BCAS3: variants seen among roughly 807,000 people sequenced by gnomAD.
BCAS3 encodes the protein BCAS3 microtubule associated cell migration factor.
In BCAS3, 53 loss-of-function variants were observed where a neutral mutation model predicts 116.1. The ratio of observed to expected loss-of-function variants is 0.46; its 90% CI spans 0.37 to 0.57. The LOEUF (loss-of-function observed/expected upper bound fraction) is 0.57, where lower values mean the gene tolerates loss of function less well. Ranked by LOEUF, BCAS3 falls within the 20% of genes least tolerant of loss-of-function variation. The probability of loss-of-function intolerance (pLI) is 0.00; values close to 1 mark genes in which losing one functional copy is unlikely to be tolerated. For missense variants in BCAS3, 917 were observed against 1,165.4 expected (o/e 0.79, Z 3.10); for synonymous variants, 391 against 408.2 (o/e 0.96, Z 0.51).
intron 22 of BCAS3, among the ~76,000 whole-genome samples, chr17:61,271,885 C>G (rs1206818095): frequency 1.3e-5 from 2 of 152,134 alleles, no homozygotes; most frequent in African/African-American, 4.8e-5. Flanking sequence ...TCATACCTCA[C>G]TGCAGCCTCA....
chr17:61,190,602 T>G (rs2080049194), intron 22 of BCAS3, among the ~76,000 whole-genome samples: 1 of 151,724 alleles, frequency 6.6e-6, no homozygotes, highest in African/African-American at 2.4e-5. Flanking sequence ...AAATTTTATT[T>G]CATTTATTTA....
chr17:61,232,923 T>C (rs1478055947), intron 22 of BCAS3, among the ~76,000 whole-genome samples: 4 of 152,254 alleles, frequency 2.6e-5, no homozygotes, highest in African/African-American at 9.6e-5. Context: ...TGCAAAATTA[T>C]GTTGCCGGCA....
In BCAS3 at chr17:61,219,335, A is replaced by G. The variant is rs149289457; in HGVS notation, c.2425+134771A>G. Among the ~76,000 whole-genome samples, 436 of 152,204 alleles carry G rather than the reference A, an allele frequency of 2.9e-3. 2 individuals are homozygous for G. Among genetic ancestry groups the G allele is most frequent in the African/African-American group, 0.01 (418 of 41,528 alleles). ...TGATTCCTTTCTGGGCATATTTCCT[A>G]GGGAGTTTTGGGAGTCATGCAGTGA... On this transcript the variant is annotated intron_variant, in intron 22 of 23. Transcript: ENST00000407086. This position sits in a 1 kb window ranked among gnomAD's most constrained non-coding sequence, Gnocchi z 5.2.
intron 22 of BCAS3, among the ~76,000 whole-genome samples, chr17:61,334,464 A>G (rs947769117): frequency 6.6e-5 from 10 of 152,118 alleles, no homozygotes; most frequent in African/African-American, 2.4e-4. Context: ...TCAGGAGTTC[A>G]AGACCAGCCT....
chr17:60,995,300 C>T lies in BCAS3; in HGVS notation c.1486+5065C>T, dbSNP rs1423472830. On this transcript the variant is annotated intron_variant, in intron 15 of 23. Transcript: ENST00000407086. This position sits in a 1 kb window ranked among gnomAD's most constrained non-coding sequence, Gnocchi z 4.7. ...CCCAAGTAGCTGGGATTACAGGTGC[C>T]CGCCACCATGCCTGGCTAATTTTTG... Among the ~76,000 whole-genome samples, 2 of 151,818 alleles carry T rather than the reference C, an allele frequency of 1.3e-5. No homozygotes were observed. Among genetic ancestry groups the T allele is most frequent in the African/African-American group, 4.8e-5 (2 of 41,336 alleles).
intron 22 of BCAS3, among the ~76,000 whole-genome samples, chr17:61,358,103 T>A (rs979103551): frequency 6.7e-6 from 1 of 149,690 alleles, no homozygotes; most frequent in African/African-American, 2.5e-5. Flanking sequence ...AAAAAAAAAA[T>A]TGTGGGAAAC....
At chr17:60,700,610 C>T (rs1311542070) in intron 4 of BCAS3, among the ~76,000 whole-genome samples, 1 of 151,976 alleles carries the variant, frequency 6.6e-6, no homozygotes, top group Non-Finnish European at 1.5e-5. Context: ...TTGAGTAACT[C>T]CAATATTTAG....
rs1244021265 is a variant in BCAS3, at chr17:61,198,684, T to C, written c.2425+114120T>C. 6.6e-6 allele frequency among the ~76,000 whole-genome samples: 1 copy of C among 152,254 alleles called. No homozygotes were observed. Among genetic ancestry groups the C allele is most frequent in the Non-Finnish European group, 1.5e-5 (1 of 68,046 alleles). On this transcript the variant is annotated intron_variant, in intron 22 of 23. Coordinates refer to ENST00000407086, the MANE Select transcript of BCAS3 (RefSeq NM_017679.5). This position sits in a 1 kb window ranked among gnomAD's most constrained non-coding sequence, Gnocchi z 5.0. ...TGCATTTACTTTTAGTTAATCTGTT[T>C]GATTTGAATACACTGTTCAGTTAGT...
intron 14 of BCAS3, among the ~76,000 whole-genome samples, chr17:60,976,020 C>CTTTTTGTTTTTT (rs2062326324): frequency 1.0e-5 from 1 of 98,286 alleles, no homozygotes; most frequent in African/African-American, 4.2e-5. Context: ...TAGATTTTTG[C>CTTTTTGTTTTTT]TTTTTTTTTT....
intron 6 of BCAS3, among the ~76,000 whole-genome samples, chr17:60,751,813 G>T (rs2042494982): frequency 6.6e-6 from 1 of 152,108 alleles, no homozygotes; most frequent in Non-Finnish European, 1.5e-5. Flanking sequence ...AAAGTGCTGG[G>T]ATTACAGGTG....
At chr17:60,796,193 G>A (rs2047199795) in intron 6 of BCAS3, among the ~76,000 whole-genome samples, 1 of 152,154 alleles carries the variant, frequency 6.6e-6, no homozygotes, top group African/African-American at 2.4e-5. Context: ...TAATTTTCTT[G>A]TTTGGTTTTA....
intron 4 of BCAS3, among the ~76,000 whole-genome samples, chr17:60,704,692 G>C (rs2036877988): frequency 6.6e-6 from 1 of 151,934 alleles, no homozygotes; most frequent in South Asian, 2.1e-4. Context: ...ACAAAAATTA[G>C]CCGGGCATGG....
At chr17:61,172,492 C>G (rs994875735) in intron 22 of BCAS3, among the ~76,000 whole-genome samples, 147 of 150,134 alleles carry the variant, frequency 9.8e-4, no homozygotes, top group African/African-American at 3.4e-3. Context: ...AAATAATTAG[C>G]CGGGCTTAGT....
At chr17:60,797,644 A>G (rs1043360075) in intron 6 of BCAS3, among the ~76,000 whole-genome samples, 2 of 152,028 alleles carry the variant, frequency 1.3e-5, no homozygotes, top group Non-Finnish European at 2.9e-5. Flanking sequence ...TCAACCTGTC[A>G]TCTACATTAG....
At chr17:61,238,006 T>C (rs969788001) in intron 22 of BCAS3, among the ~76,000 whole-genome samples, 3 of 152,176 alleles carry the variant, frequency 2.0e-5, no homozygotes, top group African/African-American at 4.8e-5. Context: ...CCACCCTGAG[T>C]TGGTTTAAAT....
rs944769463 is a variant in BCAS3 at position 61,278,329 on chromosome 17, C to T, written c.2426-89998C>T. ...GTGCTGGGATTACAGGCATGAGCCA[C>T]CGTTCCCAGATAATTTTTGTGTTTT... On this transcript the variant is annotated intron_variant, in intron 22 of 23. Transcript: ENST00000407086. This position sits in a 1 kb window ranked among gnomAD's most constrained non-coding sequence, Gnocchi z 5.8. Among the ~76,000 whole-genome samples the T allele has an allele frequency of 6.6e-6, 1 of 152,212 alleles. No individual in the cohort carries two copies. The highest frequency in any genetic ancestry group is 1.5e-5 in the Non-Finnish European group (1 of 68,036).
intron 12 of BCAS3, among the ~76,000 whole-genome samples, chr17:60,913,763 C>A (rs1394921181): frequency 6.6e-6 from 1 of 152,030 alleles, no homozygotes; most frequent in African/African-American, 2.4e-5. Context: ...AAATCGGATT[C>A]ACCATCCTTC....
intron 5 of BCAS3, among the ~76,000 whole-genome samples, chr17:60,717,708 A>G (rs2038792727): frequency 6.6e-6 from 1 of 152,192 alleles, no homozygotes; most frequent in African/African-American, 2.4e-5. Flanking sequence ...TATACCCGCC[A>G]TCTAGAGCAG....
chr17:61,170,196 T>G (rs1269558392), intron 22 of BCAS3, among the ~76,000 whole-genome samples: 1 of 151,840 alleles, frequency 6.6e-6, no homozygotes, highest in African/African-American at 2.4e-5. Flanking sequence ...CACATCGAAT[T>G]ACACAAGGCC....
Sources: gnomAD v4.1 joint callset for allele counts (sites outside exome capture counted in the v4.1 genomes callset) on GRCh38, gnomAD v4.1.1 for gene constraint, Gnocchi (gnomAD v3.1) non-coding constraint, MANE v1.5 for transcripts, NCBI Gene and HGNC (gene_info 2026-07-23, HGNC 2026-07-21) for gene names.